NALF1: variants seen among roughly 807,000 people sequenced by gnomAD.
NALF1 encodes NALCN channel auxiliary factor 1.
NALF1 carries 3 observed loss-of-function variants against 48.4 expected under a neutral mutation model. The ratio of observed to expected loss-of-function variants is 0.06; its 90% CI spans 0.03 to 0.16. The LOEUF is 0.16. NALF1 is among the 10% of genes least tolerant of loss of function. The pLI, the probability that NALF1 is intolerant of heterozygous loss-of-function variation, is 1.00. For synonymous variants in NALF1, 262 were observed against 245.7 expected (o/e 1.07, Z -0.62); for missense variants, 526 against 571.5 (o/e 0.92, Z 0.81).
At chr13:107,668,776 A>G (rs931071362) in intron 1 of NALF1, among the ~76,000 whole-genome samples, 1 of 152,072 alleles carries the variant, frequency 6.6e-6, no homozygotes, top group African/African-American at 2.4e-5. Context: ...TTATAAATCT[A>G]ATAGCTTTTC....
chr13:107,270,339 T>C (rs958338017), intron 1 of NALF1, among the ~76,000 whole-genome samples: 1 of 152,142 alleles, frequency 6.6e-6, no homozygotes, highest in Admixed American at 6.5e-5. Flanking sequence ...ACTATGTTAA[T>C]TTTTAAGTGG....
chr13:107,487,465 T>C (rs1199366024), intron 1 of NALF1, among the ~76,000 whole-genome samples: 1 of 152,190 alleles, frequency 6.6e-6, no homozygotes, highest in South Asian at 2.1e-4. Context: ...TTAAAATACA[T>C]TAGGGTGTGC....
intron 1 of NALF1, among the ~76,000 whole-genome samples, chr13:107,323,111 A>G (rs930498831): frequency 2.0e-5 from 3 of 152,246 alleles, no homozygotes; most frequent in Non-Finnish European, 2.9e-5. Context: ...ATTGACAAGC[A>G]AGGACCAGTT....
At chr13:107,523,315 T>C (rs1050005439) in intron 1 of NALF1, among the ~76,000 whole-genome samples, 1 of 152,158 alleles carries the variant, frequency 6.6e-6, no homozygotes. Flanking sequence ...ACGGGTATTT[T>C]AGAATCTCAG....
At chr13:107,760,316 A>C (rs1877229243) in intron 1 of NALF1, among the ~76,000 whole-genome samples, 1 of 152,182 alleles carries the variant, frequency 6.6e-6, no homozygotes, top group Non-Finnish European at 1.5e-5. Context: ...AGATTTTAAA[A>C]ATCAACATGA....
chr13:107,212,937 T>A (rs1879791770), intron 1 of NALF1, among the ~76,000 whole-genome samples: 1 of 152,168 alleles, frequency 6.6e-6, no homozygotes, highest in Non-Finnish European at 1.5e-5. Context: ...ATGTTTTCAT[T>A]GGCCAAATTG....
chr13:107,374,270 G>A (rs1259334764), intron 1 of NALF1, among the ~76,000 whole-genome samples: 1 of 152,114 alleles, frequency 6.6e-6, no homozygotes, highest in Non-Finnish European at 1.5e-5. Flanking sequence ...TCTAAGGTAT[G>A]TGAGGAAATT....
chr13:107,794,499 A>G (rs1244002153), intron 1 of NALF1, among the ~76,000 whole-genome samples: 1 of 151,406 alleles, frequency 6.6e-6, no homozygotes, highest in Non-Finnish European at 1.5e-5. Context: ...AGGAATTATA[A>G]TGCTTAACAA....
At position 107,678,749 on chromosome 13, in the gene NALF1, A is replaced by T. The variant is rs185805515; in HGVS notation, c.915+186933T>A. Among the ~76,000 whole-genome samples, 1,072 of 152,304 alleles carry T rather than the reference A, an allele frequency of 7.0e-3. 10 individuals carry two copies. The highest frequency in any genetic ancestry group is 0.024 in the African/African-American group (1,004 of 41,576). On this transcript the variant is annotated intron_variant, in intron 1 of 2. Coordinates refer to ENST00000375915, the MANE Select transcript of NALF1 (RefSeq NM_001080396.3). ...AACGGGGCAGGAAGGAGAAATGCTG[A>T]GTGAATAGGGAAGAGCCCCTTATAA...
At position 107,249,980 on chromosome 13, in the gene NALF1, A is replaced by T. The variant is rs565220004; in HGVS notation, c.916-39225T>A. Among the ~76,000 whole-genome samples, 42 of 152,214 alleles carry T rather than the reference A, an allele frequency of 2.8e-4. 1 individual carries two copies. In the South Asian group the frequency reaches 7.3e-3, roughly 26 times the overall value. Reference sequence around the variant, plus strand: ...CTTAGTATCACTTGATGAGTTTTAAAATAAAATAATGTGTTGTCTCCTAAT... The same window carrying T: ...CTTAGTATCACTTGATGAGTTTTAATATAAAATAATGTGTTGTCTCCTAAT... On this transcript the variant is annotated intron_variant, in intron 1 of 2. Transcript: ENST00000375915.
At chr13:107,261,241 A>G (rs1236429125) in intron 1 of NALF1, among the ~76,000 whole-genome samples, 1 of 151,844 alleles carries the variant, frequency 6.6e-6, no homozygotes, top group Non-Finnish European at 1.5e-5. Flanking sequence ...TTAGATAGAA[A>G]TCTCTCTCTC....
intron 1 of NALF1, among the ~76,000 whole-genome samples, chr13:107,473,425 G>A (rs1008520596): frequency 1.3e-5 from 2 of 152,018 alleles, no homozygotes; most frequent in African/African-American, 4.8e-5. Flanking sequence ...TGTTCTCCGC[G>A]TTCTCCACCA....
chr13:107,693,255 T>C (rs111719993), intron 1 of NALF1, among the ~76,000 whole-genome samples: 6,084 of 143,356 alleles, frequency 0.042, 405 homozygotes, highest in African/African-American at 0.15. Flanking sequence ...TTCTCACTCA[T>C]AGGTAGGAAT....
intron 1 of NALF1, among the ~76,000 whole-genome samples, chr13:107,777,769 GC>G (rs1282917173): frequency 2.0e-5 from 3 of 152,078 alleles, no homozygotes; most frequent in African/African-American, 4.8e-5. Flanking sequence ...ATCCATCAAT[GC>G]CTTTAAGAAC....
chr13:107,682,859 C>T (rs993408449), intron 1 of NALF1, among the ~76,000 whole-genome samples: 2 of 152,186 alleles, frequency 1.3e-5, no homozygotes, highest in Non-Finnish European at 2.9e-5. Flanking sequence ...TGGCCTCTGC[C>T]ATAGTATGGT....
In NALF1 at chr13:107,381,862, G is replaced by T. The variant is rs992049194; in HGVS notation, c.916-171107C>A. 2.2e-4 allele frequency among the ~76,000 whole-genome samples: 34 copies of T among 152,112 alleles called. No individual in the cohort carries two copies. In the East Asian group the frequency reaches 2.3e-3, roughly 10 times the overall value. On this transcript the variant is annotated intron_variant, in intron 1 of 2. Transcript: ENST00000375915. Reference sequence around the variant, plus strand: ...CTGATCTCTTCCTCTCTCTCCCATTGCCTCTCTTTAAGATGCATTCCCAGC... The same window carrying T: ...CTGATCTCTTCCTCTCTCTCCCATTTCCTCTCTTTAAGATGCATTCCCAGC...
intron 1 of NALF1, among the ~76,000 whole-genome samples, chr13:107,389,422 A>G (rs187240750): frequency 6.6e-6 from 1 of 152,306 alleles, no homozygotes; most frequent in East Asian, 1.9e-4. Flanking sequence ...ATGTGGATAC[A>G]TGTGTAGAAG....
At chr13:107,329,428 C>T (rs569427585) in intron 1 of NALF1, among the ~76,000 whole-genome samples, 1 of 152,180 alleles carries the variant, frequency 6.6e-6, no homozygotes, top group African/African-American at 2.4e-5. Flanking sequence ...TAAGTGTTTT[C>T]CAACAAGCCT....
chr13:107,285,291 T>C (rs540003888), intron 1 of NALF1, among the ~76,000 whole-genome samples: 1 of 152,332 alleles, frequency 6.6e-6, no homozygotes, highest in African/African-American at 2.4e-5. Context: ...CCTAGATATA[T>C]GGGTGAATAA....
Sources: gnomAD v4.1 joint callset for allele counts (sites outside exome capture counted in the v4.1 genomes callset) on GRCh38, gnomAD v4.1.1 for gene constraint, MANE v1.5 for transcripts, NCBI Gene and HGNC (gene_info 2026-07-23, HGNC 2026-07-21) for gene names.